Variants in SLC17A1 observed in about 807,000 individuals in gnomAD.
SLC17A1 encodes the protein sodium-dependent phosphate transport protein 1.
A neutral mutation model predicts 53.5 loss-of-function variants in SLC17A1; 51 were observed. That is an observed-to-expected ratio of 0.95 (90% CI 0.76 to 1.20). The LOEUF is 1.20. Among genes scored for constraint, SLC17A1 ranks in the 50% most tolerant of loss-of-function variants. The pLI is 0.00. For missense variants in SLC17A1, 538 were observed against 568.2 expected, an observed-to-expected ratio of 0.95 and a Z score of 0.54; for synonymous variants, 179 against 198.8, an observed-to-expected ratio of 0.90 and a Z score of 0.84.
chr6:25,781,537 GA>G (rs1763268785), downstream of SLC17A1, among the ~76,000 whole-genome samples: 1 of 152,116 alleles, frequency 6.6e-6, no homozygotes, highest in African/African-American at 2.4e-5. Context: ...AACTTATGAA[GA>G]AAAAGAGGTT....
At chr6:25,809,062 C>T (rs1179958072) in intron 10 of SLC17A1, among the ~76,000 whole-genome samples, 2 of 152,022 alleles carry the variant, frequency 1.3e-5, no homozygotes, top group East Asian at 1.9e-4. Context: ...GAATACTACT[C>T]TGCCATAAAA....
the SLC17A1 span, chr6:25,727,377 T>A: frequency 1.5e-6 from 2 of 1,300,298 alleles, no homozygotes; most frequent in East Asian, 4.8e-5. Flanking sequence ...GCTTCGTTTT[T>A]GTGTAGTTTC....
the SLC17A1 span, chr6:25,732,002 T>A: frequency 1.3e-6 from 2 of 1,571,604 alleles, no homozygotes; most frequent in Admixed American, 3.4e-5. Context: ...TGGAAGAGAT[T>A]CCAGTGTCCG....
intron 12 of SLC17A1, among the ~76,000 whole-genome samples, chr6:25,793,495 C>G (rs1001145797): frequency 1.3e-5 from 2 of 152,084 alleles, no homozygotes; most frequent in African/African-American, 4.8e-5. Context: ...CATGCTCCAT[C>G]GTGTTACCCT....
At chr6:25,764,616 T>C in the SLC17A1 span, among the ~76,000 whole-genome samples, 1 of 152,158 alleles carries the variant, frequency 6.6e-6, no homozygotes, top group Non-Finnish European at 1.5e-5. Flanking sequence ...GGTGCAGTGT[T>C]ATAGGAAGAA....
intron 8 of SLC17A1, among the ~76,000 whole-genome samples, chr6:25,812,174 T>C (rs1380670862): frequency 6.6e-6 from 1 of 152,144 alleles, no homozygotes; most frequent in African/African-American, 2.4e-5. Context: ...TCATGAAGTA[T>C]AAAATTGAGT....
chr6:25,829,178 C>A (rs1179673295), intron 2 of SLC17A1, among the ~76,000 whole-genome samples: 2 of 151,982 alleles, frequency 1.3e-5, no homozygotes, highest in Admixed American at 6.6e-5. Context: ...TTTGGCCTTC[C>A]ATGATATGGG....
chr6:25,814,607 T>C (rs903298124), intron 6 of SLC17A1, among the ~76,000 whole-genome samples: 2 of 152,092 alleles, frequency 1.3e-5, no homozygotes, highest in African/African-American at 4.8e-5. Flanking sequence ...AGACTAGACA[T>C]GACCAAGAAA....
chr6:25,731,059 C>A, the SLC17A1 span, among the ~76,000 whole-genome samples: 1 of 152,232 alleles, frequency 6.6e-6, no homozygotes, highest in Non-Finnish European at 1.5e-5. Flanking sequence ...AGGAACAGTT[C>A]TGTTGGGATC....
At chr6:25,726,523 G>T in the SLC17A1 span, 1 of 1,607,456 alleles carries the variant, frequency 6.2e-7, no homozygotes, top group Non-Finnish European at 8.5e-7. Context: ...CCCTCGTCCA[G>T]ACATCTCCTC....
intron 12 of SLC17A1, among the ~76,000 whole-genome samples, chr6:25,797,129 CT>C (rs1763617693): frequency 2.0e-5 from 3 of 152,190 alleles, no homozygotes; most frequent in Non-Finnish European, 2.9e-5. Flanking sequence ...TTGCATGTAT[CT>C]TCTGAAACAA....
intron 12 of SLC17A1, among the ~76,000 whole-genome samples, chr6:25,796,658 G>T (rs1370632898): frequency 6.6e-6 from 1 of 152,006 alleles, no homozygotes; most frequent in Non-Finnish European, 1.5e-5. Context: ...CAATAAATTT[G>T]TTAACTGGCT....
chr6:25,780,009 G>C (rs1443967098), downstream of SLC17A1: 2 of 152,124 alleles, frequency 1.3e-5, no homozygotes, highest in African/African-American at 2.4e-5. Flanking sequence ...CATTCAGTAG[G>C]ATTCAATTCA....
At chr6:25,766,130 A>G in the SLC17A1 span, among the ~76,000 whole-genome samples, 1 of 150,532 alleles carries the variant, frequency 6.6e-6, no homozygotes, top group African/African-American at 2.4e-5. Flanking sequence ...TATTTAAAAT[A>G]TAATTGAATT....
chr6:25,727,398 G>A, the SLC17A1 span: 1 of 888,120 alleles, frequency 1.1e-6, no homozygotes, highest in Non-Finnish European at 1.6e-6. Context: ...TAACCGTAAG[G>A]GTTTTTTTTT....
the SLC17A1 span, chr6:25,768,887 G>T: frequency 1.8e-6 from 2 of 1,108,586 alleles, no homozygotes; most frequent in Non-Finnish European, 1.3e-6. Flanking sequence ...CTATATTTCT[G>T]CATCTCAGAC....
intron 12 of SLC17A1, among the ~76,000 whole-genome samples, chr6:25,786,171 TACG>T (rs1432384563): frequency 1.3e-5 from 2 of 152,242 alleles, no homozygotes; most frequent in Non-Finnish European, 2.9e-5. Context: ...TGCTACGTGC[TACG>T]ACATGAGTGA....
the SLC17A1 span, chr6:25,770,878 C>A: frequency 5.1e-5 from 74 of 1,439,660 alleles, 1 homozygote; most frequent in South Asian, 7.0e-4. Flanking sequence ...CACATAGAGC[C>A]CCAAGACGAG....
downstream of SLC17A1, among the ~76,000 whole-genome samples, chr6:25,782,576 G>A (rs1270954281): frequency 6.6e-6 from 1 of 152,110 alleles, no homozygotes; most frequent in Non-Finnish European, 1.5e-5. Flanking sequence ...TCTGAGCATC[G>A]AGTCATCTAA....
Sources: gnomAD v4.1 joint callset for allele counts (sites outside exome capture counted in the v4.1 genomes callset) on GRCh38, gnomAD v4.1.1 for gene constraint, MANE v1.5 for transcripts, NCBI Gene and HGNC (gene_info 2026-07-23, HGNC 2026-07-21) for gene names.